NCOA2: variants seen among roughly 807,000 people sequenced by gnomAD.
The protein encoded by NCOA2 is class E basic helix-loop-helix protein 75.
In NCOA2, 21 loss-of-function variants were observed where a neutral mutation model predicts 145.1. The observed-to-expected ratio is 0.14, with a 90% CI of 0.10 to 0.21. NCOA2 has a LOEUF of 0.21. Among genes scored for constraint, NCOA2 ranks in the 10% least tolerant of loss-of-function variants. NCOA2 has a pLI of 1.00. For synonymous variants in NCOA2, 619 were observed against 637.5 expected (o/e 0.97, Z 0.44); for missense variants, 1,472 against 1,837.6 (o/e 0.80, Z 3.64).
intron 2 of NCOA2, among the ~76,000 whole-genome samples, chr8:70,223,472 T>A (rs1820339794): frequency 6.6e-6 from 1 of 152,220 alleles, no homozygotes; most frequent in African/African-American, 2.4e-5. Context: ...TATTGAAGAC[T>A]TATTATGAGT....
chr8:70,440,208 C>T, the NCOA2 span, among the ~76,000 whole-genome samples: 29 of 152,008 alleles, frequency 1.9e-4, no homozygotes, highest in Non-Finnish European at 3.7e-4. Flanking sequence ...ATCCTGGAGG[C>T]AGTGGTTGCA....
At chr8:70,209,689 C>G (rs1296459010) in intron 4 of NCOA2, among the ~76,000 whole-genome samples, 1 of 152,176 alleles carries the variant, frequency 6.6e-6, no homozygotes, top group Non-Finnish European at 1.5e-5. Flanking sequence ...TGTTATAGCA[C>G]TTTCTAGCAT....
intron 1 of NCOA2, among the ~76,000 whole-genome samples, chr8:70,345,006 T>C (rs1808489785): frequency 6.6e-6 from 1 of 152,220 alleles, no homozygotes; most frequent in African/African-American, 2.4e-5. Flanking sequence ...AATGTCCAAA[T>C]TCCTCAATCA....
At chr8:70,322,634 C>T (rs1272276884) in intron 1 of NCOA2, among the ~76,000 whole-genome samples, 2 of 152,140 alleles carry the variant, frequency 1.3e-5, no homozygotes, top group African/African-American at 4.8e-5. Flanking sequence ...CTTTACCATA[C>T]GTGTGATCCT....
chr8:70,131,456 C>T (rs546746774), intron 16 of NCOA2, among the ~76,000 whole-genome samples: 36 of 152,304 alleles, frequency 2.4e-4, no homozygotes, highest in Non-Finnish European at 4.1e-4. Flanking sequence ...ACTGGGGTCA[C>T]GACTACACTC....
intron 2 of NCOA2, among the ~76,000 whole-genome samples, chr8:70,257,513 A>G (rs1050160997): frequency 6.6e-6 from 1 of 152,184 alleles, no homozygotes; most frequent in Admixed American, 6.5e-5. Context: ...GATAAGCACT[A>G]AGGAGAAAGA....
At chr8:70,364,452 A>T (rs1810494254) in intron 1 of NCOA2, among the ~76,000 whole-genome samples, 2 of 152,216 alleles carry the variant, frequency 1.3e-5, no homozygotes, top group African/African-American at 4.8e-5. Flanking sequence ...TTTTGAAGAC[A>T]AAATGTGGCA....
At chr8:70,313,371 C>T (rs1368019429) in intron 1 of NCOA2, among the ~76,000 whole-genome samples, 2 of 152,124 alleles carry the variant, frequency 1.3e-5, no homozygotes, top group Admixed American at 1.3e-4. Context: ...TTTAGCAAGT[C>T]CAAAAATACT....
At chr8:70,177,859 T>G (rs1406021624) in intron 4 of NCOA2, among the ~76,000 whole-genome samples, 1 of 152,192 alleles carries the variant, frequency 6.6e-6, no homozygotes, top group Non-Finnish European at 1.5e-5. Flanking sequence ...ATTTGGCACA[T>G]GAGATTCTGA....
rs964244395 is a variant in NCOA2, at chr8:70,171,480, G to T, written c.364-1101C>A. On this transcript the variant is annotated intron_variant, in intron 5 of 22. Transcript: ENST00000452400. The stretch of plus-strand genomic sequence containing the variant: ...TCCCATCATGTTTACCTTGGTGATG[G>T]AAATGTTGGGGGTTTAGTTTCTCCT... Among the ~76,000 whole-genome samples, 47 of 152,200 alleles carry T rather than the reference G, an allele frequency of 3.1e-4. 1 individual carries two copies. Among genetic ancestry groups the T allele is most frequent in the Middle Eastern group, 3.4e-3 (1 of 294 alleles).
At chr8:70,378,742 C>CT (rs1563824421) in intron 1 of NCOA2, among the ~76,000 whole-genome samples, 2 of 69,762 alleles carry the variant, frequency 2.9e-5, no homozygotes, top group African/African-American at 1.5e-4. Context: ...GTAGGCTATG[C>CT]TAAAAAAAAA....
At chr8:70,189,307 G>GA (rs1321898167) in intron 4 of NCOA2, among the ~76,000 whole-genome samples, 1 of 152,158 alleles carries the variant, frequency 6.6e-6, no homozygotes, top group African/African-American at 2.4e-5. Context: ...AATTTCAGGG[G>GA]ATCCAAGCTG....
intron 7 of NCOA2, among the ~76,000 whole-genome samples, chr8:70,164,916 A>C (rs1289446451): frequency 3.9e-5 from 6 of 152,104 alleles, no homozygotes; most frequent in African/African-American, 1.4e-4. Flanking sequence ...TTTTACAGAC[A>C]AAAAGATCAA....
intron 2 of NCOA2, among the ~76,000 whole-genome samples, chr8:70,288,591 CA>C (rs71275062): frequency 1.9e-3 from 221 of 118,824 alleles, no homozygotes; most frequent in Admixed American, 1.7e-3. Flanking sequence ...AAAACAAAAA[CA>C]AAAAAAAAAA....
chr8:70,123,851 A>C (rs771196088), intron 21 of NCOA2, 33 bp downstream of exon 21: 24 of 1,549,216 alleles, frequency 1.5e-5, no homozygotes, highest in Non-Finnish European at 1.9e-5. Flanking sequence ...CCGTGATATG[A>C]AGCCACTGGG....
chr8:70,132,162 C>A (rs980243402), intron 15 of NCOA2, among the ~76,000 whole-genome samples, 160 bp from the exon 16 acceptor site: 30 of 152,192 alleles, frequency 2.0e-4, no homozygotes, highest in Admixed American at 2.0e-3. Context: ...CTGAAATATT[C>A]GATACACTTT....
At chr8:70,446,447 A>G in the NCOA2 span, among the ~76,000 whole-genome samples, 1 of 152,098 alleles carries the variant, frequency 6.6e-6, no homozygotes, top group Admixed American at 6.5e-5. Context: ...CTCAGCGTTG[A>G]TTCTTTCTTT....
intron 1 of NCOA2, among the ~76,000 whole-genome samples, chr8:70,395,413 C>T (rs1469041596): frequency 6.6e-6 from 1 of 152,214 alleles, no homozygotes; most frequent in African/African-American, 2.4e-5. Context: ...CCCCCAATGC[C>T]TGTCTCCATA....
At chr8:70,408,703 G>A (rs1271694605), upstream of NCOA2, among the ~76,000 whole-genome samples, 1 of 151,660 alleles carries the variant, frequency 6.6e-6, no homozygotes, top group Non-Finnish European at 1.5e-5. Flanking sequence ...GAGTGCAGTG[G>A]CACAATTACA....
Sources: gnomAD v4.1 joint callset for allele counts (sites outside exome capture counted in the v4.1 genomes callset) on GRCh38, gnomAD v4.1.1 for gene constraint, MANE v1.5 for transcripts, NCBI Gene and HGNC (gene_info 2026-07-23, HGNC 2026-07-21) for gene names.